MCUB: variants seen among roughly 807,000 people sequenced by gnomAD.
MCUB encodes the protein mitochondrial calcium uniporter dominant negative subunit beta.
Under a neutral mutation model 41.4 loss-of-function variants are expected in MCUB, and 46 were observed. The ratio of observed to expected loss-of-function variants is 1.11; its 90% CI spans 0.88 to 1.42. The LOEUF (loss-of-function observed/expected upper bound fraction) is 1.42. Among genes scored for constraint, MCUB ranks in the 40% most tolerant of loss-of-function variants. The pLI is 0.00. For missense variants in MCUB, 403 were observed against 404.9 expected (o/e 1.00, Z 0.04); for synonymous variants, 148 against 148.2 (o/e 1.00, Z 0.01).
At chr4:109,674,665 T>A (rs1299491978) in intron 4 of MCUB, among the ~76,000 whole-genome samples, 1 of 152,248 alleles carries the variant, frequency 6.6e-6, no homozygotes, top group East Asian at 1.9e-4. Flanking sequence ...ACAATAGAGC[T>A]GCATAATATT....
Position 109,592,164 on chromosome 4 carries a change from T to A in MCUB, c.99+31728T>A, listed in dbSNP as rs546426408. Among the ~76,000 whole-genome samples, 93 of 152,092 alleles carry A rather than the reference T, an allele frequency of 6.1e-4. 1 individual carries two copies. The highest frequency in any genetic ancestry group is 2.0e-3 in the African/African-American group (84 of 41,504). The stretch of plus-strand genomic sequence containing the variant: ...ACTCACGCCTGTAATCCCAGCACTT[T>A]GAAAGGAGGCCGAGGTGGGTGGATC... On this transcript the variant is annotated intron_variant, in intron 1 of 7. Coordinates refer to ENST00000394650, the MANE Select transcript of MCUB (RefSeq NM_017918.5).
At position 109,688,701 on chromosome 4, in the gene MCUB, A is replaced by AGTC. The variant is rs1283273976; in HGVS notation, c.*1109_*1110insGTC. On this transcript the variant is annotated 3_prime_UTR_variant, in exon 8 of 8. Transcript: ENST00000394650. ...AAACCTTTAAAAACATCAAACAATA[A>AGTC]ACTTTTATAAAAAAGTGACAAAATA... 1.3e-5 allele frequency: 2 copies of AGTC among 152,194 alleles called. No homozygotes were observed. Among genetic ancestry groups the AGTC allele is most frequent in the African/African-American group, 4.8e-5 (2 of 41,450 alleles). 9.4% of individuals were successfully genotyped at this position (152,194 alleles called of 1,614,324 possible). A position where few individuals can be genotyped will look rare whatever the true frequency, so the allele number is the denominator to read the frequency against.
rs886851549 is a variant in MCUB, at chr4:109,658,069, C to T, written c.100-942C>T. Among the ~76,000 whole-genome samples the T allele has an allele frequency of 4.6e-5, 7 of 152,284 alleles. No homozygotes were observed. In the East Asian group the frequency reaches 9.7e-4, roughly 21 times the overall value. On this transcript the variant is annotated intron_variant, in intron 1 of 7. Coordinates refer to ENST00000394650, the MANE Select transcript of MCUB (RefSeq NM_017918.5). ...CCTTGAACTCCTGAGCTCAAGCAAT[C>T]CTCCTGCTTCGGCCTCCCATAGTGC...
chr4:109,660,463 T>G, intron 3 of MCUB, 98 bp downstream of exon 3: 1 of 587,040 alleles, frequency 1.7e-6, no homozygotes, highest in Non-Finnish European at 2.9e-6. Flanking sequence ...ATTGTTTAAT[T>G]CATTAGATAA....
intron 1 of MCUB, among the ~76,000 whole-genome samples, chr4:109,625,745 A>G (rs1728346300): frequency 6.6e-6 from 1 of 152,230 alleles, no homozygotes; most frequent in East Asian, 1.9e-4. Flanking sequence ...AGTGCATTAT[A>G]TAGCAAATAT....
intron 2 of MCUB, 124 bp downstream of exon 2, chr4:109,659,210 G>A: frequency 1.6e-6 from 1 of 636,478 alleles, no homozygotes; most frequent in Non-Finnish European, 2.8e-6. Context: ...ACCCCACCCT[G>A]ATTGGGTTCA....
intron 1 of MCUB, among the ~76,000 whole-genome samples, chr4:109,604,834 A>G (rs1038312927): frequency 1.3e-5 from 2 of 152,152 alleles, no homozygotes; most frequent in African/African-American, 2.4e-5. Context: ...ATTGATTTGC[A>G]TATGTCAAAC....
intron 1 of MCUB, among the ~76,000 whole-genome samples, chr4:109,583,981 A>G (rs1727245130): frequency 6.6e-6 from 1 of 152,184 alleles, no homozygotes; most frequent in Non-Finnish European, 1.5e-5. Flanking sequence ...GTTAGGAAGG[A>G]TTCCTTCTTT....
chr4:109,580,178 C>G (rs545582367), intron 1 of MCUB, among the ~76,000 whole-genome samples: 1 of 152,302 alleles, frequency 6.6e-6, no homozygotes, highest in Non-Finnish European at 1.5e-5. Flanking sequence ...TGGTTTCCAG[C>G]TGCATCCATG....
chr4:109,643,305 C>G (rs1307596069), intron 1 of MCUB, among the ~76,000 whole-genome samples: 2 of 151,472 alleles, frequency 1.3e-5, no homozygotes, highest in African/African-American at 2.4e-5. Flanking sequence ...CTGCCTCAGC[C>G]TCCTGAGTAG....
At chr4:109,571,017 T>C (rs1011923493) in intron 1 of MCUB, among the ~76,000 whole-genome samples, 1 of 152,148 alleles carries the variant, frequency 6.6e-6, no homozygotes, top group African/African-American at 2.4e-5. Flanking sequence ...CAGTAGTGAG[T>C]TGCATTTCCT....
rs532598478 is a variant in MCUB at position 109,656,463 on chromosome 4, T to G, written c.100-2548T>G. Among the ~76,000 whole-genome samples, 83 of 134,438 alleles carry G rather than the reference T, an allele frequency of 6.2e-4. 2 individuals are homozygous for G. The South Asian group carries it at 7.6e-3, about 12-fold the overall frequency. The allele number at this position is 134,438 out of a possible 152,430, so 88.2% of individuals were successfully genotyped here. A position where few individuals can be genotyped will look rare whatever the true frequency, so the allele number is the denominator to read the frequency against. On this transcript the variant is annotated intron_variant, in intron 1 of 7. Coordinates refer to ENST00000394650, the MANE Select transcript of MCUB (RefSeq NM_017918.5). ...ACAATCTCGGTTCACTGCAGCCGCCTCCTCCTGGGCTCAAGCAATCCTCCT... is the reference window on the plus strand; with the variant it reads ...ACAATCTCGGTTCACTGCAGCCGCCGCCTCCTGGGCTCAAGCAATCCTCCT...
rs372925343 is a variant in MCUB at position 109,667,381 on chromosome 4, A to G, written c.451+2987A>G. 1.1e-4 allele frequency among the ~76,000 whole-genome samples: 17 copies of G among 152,094 alleles called. No individual in the cohort carries two copies. In the East Asian group the frequency reaches 3.1e-3, roughly 28 times the overall value. On this transcript the variant is annotated intron_variant, in intron 4 of 7. Coordinates refer to ENST00000394650, the MANE Select transcript of MCUB (RefSeq NM_017918.5). Reference sequence around the variant, plus strand: ...TGAATTTGTGGGCATAGAGTTGTTCATAGTATTTCTTTATTTTCCTTTTAA... The same window carrying G: ...TGAATTTGTGGGCATAGAGTTGTTCGTAGTATTTCTTTATTTTCCTTTTAA...
At chr4:109,634,475 C>G (rs979408743) in intron 1 of MCUB, among the ~76,000 whole-genome samples, 1 of 129,758 alleles carries the variant, frequency 7.7e-6, no homozygotes, top group Non-Finnish European at 1.6e-5. Flanking sequence ...AAGAGCGAAA[C>G]TCTGTCTCAG....
intron 1 of MCUB, among the ~76,000 whole-genome samples, chr4:109,595,662 G>A (rs1727538551): frequency 6.6e-6 from 1 of 152,288 alleles, no homozygotes; most frequent in African/African-American, 2.4e-5. Flanking sequence ...GGACAGCATA[G>A]AGAGAGATTT....
intron 1 of MCUB, among the ~76,000 whole-genome samples, chr4:109,647,389 C>T (rs1474215836): frequency 6.6e-6 from 1 of 152,168 alleles, no homozygotes; most frequent in Non-Finnish European, 1.5e-5. Context: ...TTACTGTCTC[C>T]ACAGTTCTGC....
In MCUB at chr4:109,618,225, G is replaced by A. The variant is rs543564788; in HGVS notation, c.100-40786G>A. Among the ~76,000 whole-genome samples the A allele has an allele frequency of 7.9e-5, 12 of 152,240 alleles. No homozygotes were observed. In the South Asian group the frequency reaches 1.7e-3, roughly 21 times the overall value. On this transcript the variant is annotated intron_variant, in intron 1 of 7. Coordinates refer to ENST00000394650, the MANE Select transcript of MCUB (RefSeq NM_017918.5). The stretch of plus-strand genomic sequence containing the variant: ...GTGGAGTTAATGCCCCTTCTTCCCC[G>A]CTCTATCTCCCTTCTGCTCCCATAT...
chr4:109,685,016 T>C, intron 6 of MCUB: 1 of 408,728 alleles, frequency 2.4e-6, no homozygotes, highest in East Asian at 3.9e-5. Flanking sequence ...CCTTCTTCTT[T>C]CCCATTATGT....
chr4:109,616,222 C>T lies in MCUB; in HGVS notation c.100-42789C>T, dbSNP rs74477166. 8.3e-3 allele frequency among the ~76,000 whole-genome samples: 1,259 copies of T among 152,290 alleles called. 23 individuals carry two copies. Among genetic ancestry groups the T allele is most frequent in the African/African-American group, 0.028 (1,164 of 41,558 alleles). On this transcript the variant is annotated intron_variant, in intron 1 of 7. Transcript: ENST00000394650. ...AGATTGCCTTTTAATTATTTCCTTTCCCAGGAACCAGCTTTGCTTACATTG... is the reference window on the plus strand; with the variant it reads ...AGATTGCCTTTTAATTATTTCCTTTTCCAGGAACCAGCTTTGCTTACATTG...
Sources: allele counts gnomAD v4.1 joint callset (sites outside exome capture counted in the v4.1 genomes callset), GRCh38; gene constraint gnomAD v4.1.1; transcripts MANE v1.5; gene names NCBI Gene and HGNC (gene_info 2026-07-23, HGNC 2026-07-21).